Variants in ZNF385D observed in about 807,000 individuals in gnomAD.
ZNF385D encodes the protein zinc finger protein 659.
In ZNF385D, 15 loss-of-function variants were observed where a neutral mutation model predicts 35.8. The observed-to-expected ratio is 0.42, with a 90% confidence interval of 0.28 to 0.64. The LOEUF (loss-of-function observed/expected upper bound fraction) is 0.64, where lower values mean the gene tolerates loss of function less well. ZNF385D is among the 30% of genes least tolerant of loss of function. ZNF385D has a pLI of 0.23. For missense variants in ZNF385D, 474 were observed against 494.6 expected (o/e 0.96, Z 0.39); for synonymous variants, 212 against 186.8 (o/e 1.13, Z -1.10).
At chr3:22,321,559 G>C (rs570013038) in intron 2 of ZNF385D, among the ~76,000 whole-genome samples, 1 of 151,970 alleles carries the variant, frequency 6.6e-6, no homozygotes, top group Non-Finnish European at 1.5e-5. Context: ...TAGAGGCAGG[G>C]TTTCACTGTG....
At chr3:21,838,134 G>A (rs1695441853) in intron 3 of ZNF385D, among the ~76,000 whole-genome samples, 1 of 152,068 alleles carries the variant, frequency 6.6e-6, no homozygotes, top group Non-Finnish European at 1.5e-5. Context: ...GAGTAACACA[G>A]AAGAACAGTG....
intron 2 of ZNF385D, among the ~76,000 whole-genome samples, chr3:22,174,277 T>C (rs17010951): frequency 0.027 from 4,179 of 152,256 alleles, 189 homozygotes; most frequent in African/African-American, 0.095. Context: ...TCGTTTTGTC[T>C]ATGATTGCCT....
chr3:21,686,636 G>T (rs1490116990), intron 1 of ZNF385D, among the ~76,000 whole-genome samples: 1 of 152,140 alleles, frequency 6.6e-6, no homozygotes, highest in Non-Finnish European at 1.5e-5. Context: ...AAACCAGTGT[G>T]TATTTTGCAC....
rs2069906132 is a variant in ZNF385D at position 21,748,752 on chromosome 3, G to T, written c.22+2143C>A. 2.6e-5 allele frequency among the ~76,000 whole-genome samples: 4 copies of T among 152,242 alleles called. 1 individual carries two copies. In the South Asian group the frequency reaches 8.3e-4, roughly 32 times the overall value. On this transcript the variant is annotated intron_variant, in intron 1 of 7. Transcript: ENST00000281523. ...AATTACCTGAAATCGCTACAATTTTGAACACGCACACACATTAAGATACAT... is the reference window on the plus strand; with the variant it reads ...AATTACCTGAAATCGCTACAATTTTTAACACGCACACACATTAAGATACAT...
chr3:22,158,070 C>G (rs1705707723), intron 3 of ZNF385D, among the ~76,000 whole-genome samples: 1 of 152,088 alleles, frequency 6.6e-6, no homozygotes, highest in Admixed American at 6.6e-5. Flanking sequence ...ACAAAGCCAA[C>G]AAATTCATAG....
intron 2 of ZNF385D, among the ~76,000 whole-genome samples, chr3:22,183,328 C>T (rs1695408037): frequency 6.6e-6 from 1 of 152,028 alleles, no homozygotes; most frequent in African/African-American, 2.4e-5. Context: ...CTTTGATCTT[C>T]AGAGAATGAG....
rs573122013 is a variant in ZNF385D at position 21,569,719 on chromosome 3, T to G, written c.166-5035A>C. ...CTGGCACATATACACCATGGAATAC[T>G]ATGCAGCCATAAAAAATGATGAGTT... On this transcript the variant is annotated intron_variant, in intron 2 of 7. Coordinates refer to ENST00000281523, the MANE Select transcript of ZNF385D (RefSeq NM_024697.3). Among the ~76,000 whole-genome samples the G allele has an allele frequency of 1.0e-3, 157 of 152,066 alleles. 1 individual carries two copies. Among genetic ancestry groups the G allele is most frequent in the African/African-American group, 3.7e-3 (152 of 41,456 alleles).
intron 3 of ZNF385D, among the ~76,000 whole-genome samples, chr3:21,940,660 T>C (rs897882557): frequency 4.6e-5 from 7 of 152,156 alleles, no homozygotes; most frequent in Admixed American, 2.6e-4. Context: ...ATATGTAATA[T>C]AGTTCACTAT....
chr3:22,199,359 T>C (rs1696631029), intron 2 of ZNF385D, among the ~76,000 whole-genome samples: 1 of 152,090 alleles, frequency 6.6e-6, no homozygotes, highest in Non-Finnish European at 1.5e-5. Flanking sequence ...CATACTTAAA[T>C]AGGCAGCGTC....
chr3:22,174,064 G>A (rs1277535858), intron 2 of ZNF385D, among the ~76,000 whole-genome samples: 1 of 150,388 alleles, frequency 6.6e-6, no homozygotes, highest in East Asian at 1.9e-4. Context: ...AGATATCCAA[G>A]CCAACCATCA....
chr3:21,957,620 G>A (rs1021988056), intron 3 of ZNF385D, among the ~76,000 whole-genome samples: 1 of 152,082 alleles, frequency 6.6e-6, no homozygotes, highest in Non-Finnish European at 1.5e-5. Flanking sequence ...GCTTGAACTG[G>A]TGTTCTGCTT....
intron 3 of ZNF385D, among the ~76,000 whole-genome samples, chr3:21,981,239 C>G (rs9859417): frequency 0.54 from 82,317 of 151,932 alleles, 23,611 homozygotes; most frequent in African/African-American, 0.72. Context: ...GTTACTTTTT[C>G]ACTTTTTAAT....
chr3:21,487,488 T>A (rs1705119334), intron 4 of ZNF385D, among the ~76,000 whole-genome samples: 1 of 152,102 alleles, frequency 6.6e-6, no homozygotes, highest in African/African-American at 2.4e-5. Context: ...CTAATAACAC[T>A]ATAATCTTCC....
intron 3 of ZNF385D, among the ~76,000 whole-genome samples, chr3:21,788,252 G>C (rs1286739499): frequency 2.0e-5 from 3 of 152,232 alleles, no homozygotes; most frequent in Non-Finnish European, 4.4e-5. Flanking sequence ...GCCGAGGTGA[G>C]TGAATCACCT....
chr3:22,009,295 T>G (rs371686152), intron 3 of ZNF385D, among the ~76,000 whole-genome samples: 1 of 151,974 alleles, frequency 6.6e-6, no homozygotes, highest in African/African-American at 2.4e-5. Context: ...GGTATAGTTA[T>G]ACTATGGAAT....
intron 3 of ZNF385D, among the ~76,000 whole-genome samples, chr3:21,915,884 A>C (rs1185917646): frequency 6.6e-6 from 1 of 152,186 alleles, no homozygotes; most frequent in African/African-American, 2.4e-5. Context: ...AAAATAACTC[A>C]GAATGAGGTT....
chr3:22,033,770 G>C (rs937146543), intron 3 of ZNF385D, among the ~76,000 whole-genome samples: 1 of 152,122 alleles, frequency 6.6e-6, no homozygotes, highest in Non-Finnish European at 1.5e-5. Flanking sequence ...CCCCTTATTT[G>C]AGCAGTCTGA....
chr3:21,987,031 CT>C (rs1361708481), intron 3 of ZNF385D, among the ~76,000 whole-genome samples: 1 of 100,054 alleles, frequency 1.0e-5, no homozygotes, highest in Non-Finnish European at 1.9e-5. Context: ...GTAGATCTTC[CT>C]CCATCCTTTT....
At chr3:21,689,071 A>G (rs985081666) in intron 1 of ZNF385D, among the ~76,000 whole-genome samples, 8 of 151,344 alleles carry the variant, frequency 5.3e-5, no homozygotes, top group African/African-American at 1.9e-4. Flanking sequence ...CTGAACATCT[A>G]AAGATTTTTC....
Sources: gnomAD v4.1 joint callset for allele counts (sites outside exome capture counted in the v4.1 genomes callset) on GRCh38, gnomAD v4.1.1 for gene constraint, MANE v1.5 for transcripts, NCBI Gene and HGNC (gene_info 2026-07-23, HGNC 2026-07-21) for gene names.